TARBP2: variants seen among roughly 807,000 people sequenced by gnomAD.
TARBP2 encodes TARBP2 subunit of RISC loading complex.
In TARBP2, 23 loss-of-function variants were observed where a neutral mutation model predicts 40.4. That is an observed-to-expected ratio of 0.57 (90% CI 0.41 to 0.81). TARBP2 has a LOEUF of 0.81. Ranked by LOEUF, TARBP2 falls within the 30% of genes least tolerant of loss-of-function variation. TARBP2 has a pLI of 0.00. For missense variants in TARBP2, 358 were observed against 473.7 expected, an observed-to-expected ratio of 0.76 and a Z score of 2.27; for synonymous variants, 183 against 190.5, an observed-to-expected ratio of 0.96 and a Z score of 0.32.
chr12:53,503,720 T>C lies in TARBP2; in HGVS notation c.334T>C (p.Ser112Pro). ...EPALEDSSSF[S>P]PLDSSLPEDI... ...CCCCTTCCCCTCGGGAAGTTCTTTT[T>C]CTCCCCTAGACTCTTCACTGCCTGA... The change falls in exon 4 of 9, where the codon TCT (serine) becomes CCT (proline). Residue 112 changes from serine (S) to proline (P), a missense_variant. Ser to Pro is a moderately conservative substitution (Grantham distance 74). Around this residue, in one of 3 missense-constraint regions of TARBP2, gnomAD observed 317 missense variants for 422.9 expected, o/e 0.75. Transcript: ENST00000266987. 6.2e-7 allele frequency: 1 copy of C among 1,613,438 alleles called. No individual in the cohort carries two copies. The highest frequency in any genetic ancestry group is 2.2e-5 in the East Asian group (1 of 44,864).
Position 53,505,088 on chromosome 12 carries a change from T to C in TARBP2, c.614-47T>C. 6.4e-7 allele frequency: 1 copy of C among 1,561,374 alleles called. No homozygotes were observed. Among genetic ancestry groups the C allele is most frequent in the African/African-American group, 1.3e-5 (1 of 74,104 alleles). ...CCAAGTATGACCTGGGTGGAAGCAC[T>C]GGGTCTGTGGGGAATCATAACCCAG... On this transcript the variant is annotated intron_variant, in intron 6 of 8. Coordinates refer to ENST00000266987, the MANE Select transcript of TARBP2 (RefSeq NM_134323.2). The surrounding 1 kb of genome is among the most constrained non-coding windows in gnomAD (Gnocchi z 4.5).
intron 4 of TARBP2, 86 bp downstream of exon 4, chr12:53,503,894 G>A (rs1943838145): frequency 2.0e-6 from 2 of 990,252 alleles, no homozygotes; most frequent in East Asian, 2.4e-5. Flanking sequence ...AAGCTGGTCA[G>A]GCATGAGGAA....
intron 4 of TARBP2, chr12:53,504,097 C>T: frequency 1.6e-5 from 9 of 569,970 alleles, no homozygotes; most frequent in South Asian, 1.4e-4. Flanking sequence ...GTTTGAGGCC[C>T]ATCAGGCACT....
Position 53,502,133 on chromosome 12 carries a change from C to G in TARBP2, c.172C>G (p.His58Asp). ...YDLLKAEGQA[H>D]QPNFTFRVTV... is the part of the protein sequence containing the mutation. Reference sequence around the variant, plus strand: ...CCTTCTCAAAGCCGAGGGCCAAGCCCACCAGCCTAATTTCACCTTCCGGGT... The same window carrying G: ...CCTTCTCAAAGCCGAGGGCCAAGCCGACCAGCCTAATTTCACCTTCCGGGT... The change falls in exon 2 of 9, where the codon CAC becomes GAC. Residue 58 changes from histidine to aspartate, a missense_variant. Physicochemically the swap from His to Asp is moderately conservative, Grantham distance 81 (BLOSUM62 -1). Around this residue, in one of 3 missense-constraint regions of TARBP2, gnomAD observed 317 missense variants for 422.9 expected, o/e 0.75. Transcript: ENST00000266987. 1.2e-6 allele frequency: 2 copies of G among 1,614,232 alleles called. No homozygotes were observed. The highest frequency in any genetic ancestry group is 2.7e-5 in the African/African-American group (2 of 75,058).
In TARBP2 at chr12:53,501,302, C is replaced by A; in HGVS notation, c.-107C>A. On this transcript the variant is annotated 5_prime_UTR_variant, in exon 1 of 9. Transcript: ENST00000266987. ...TATCCCAGCGTGCCCCGCGGCGGGC[C>A]CTACCGGCCGCGACTCCGGGCTTGG... 1 of 1,309,834 alleles carries A rather than the reference C, an allele frequency of 7.6e-7. No individual in the cohort carries two copies. The highest frequency in any genetic ancestry group is 1.1e-6 in the Non-Finnish European group (1 of 945,570). 81.1% of individuals were successfully genotyped at this position (1,309,834 alleles called of 1,614,324 possible). A position where few individuals can be genotyped will look rare whatever the true frequency, so the allele number is the denominator to read the frequency against.
chr12:53,501,166 T>C, upstream of TARBP2: 1 of 560,994 alleles, frequency 1.8e-6, no homozygotes, highest in South Asian at 2.2e-5. Flanking sequence ...GGCCCGCTCC[T>C]CCCAGAAGGC....
In TARBP2 at chr12:53,501,628, G is replaced by A. The variant is rs531501207; in HGVS notation, c.53+167G>A. ...ACCGGGGCAGTGGCTGCTGCCTCCA[G>A]CTCTAAATAGTTTGGGGTTGGCCCG... is the stretch of plus-strand genomic sequence containing the variant. On this transcript the variant is annotated intron_variant, in intron 1 of 8. Transcript: ENST00000266987. 2.5e-4 allele frequency: 371 copies of A among 1,458,616 alleles called. 1 individual carries two copies. In the East Asian group the frequency reaches 5.1e-3, roughly 20 times the overall value. The allele number at this position is 1,458,616 out of a possible 1,614,324, so 90.4% of individuals were successfully genotyped here. A position where few individuals can be genotyped will look rare whatever the true frequency, so the allele number is the denominator to read the frequency against.
At position 53,505,534 on chromosome 12, in the gene TARBP2, G is replaced by A; in HGVS notation, c.742-115G>A. 2.5e-6 allele frequency: 3 copies of A among 1,207,088 alleles called. No homozygotes were observed. The highest frequency in any genetic ancestry group is 3.6e-6 in the Non-Finnish European group (3 of 840,552). The allele number at this position is 1,207,088 out of a possible 1,614,324, so 74.8% of individuals were successfully genotyped here. A position where few individuals can be genotyped will look rare whatever the true frequency, so the allele number is the denominator to read the frequency against. ...GGGCCACCCAGGGATTGACTGGGGG[G>A]AGGCAAGCTGGAGGAAGCATTCTTT... On this transcript the variant is annotated intron_variant, in intron 7 of 8. Transcript: ENST00000266987. This position sits in a 1 kb window ranked among gnomAD's most constrained non-coding sequence, Gnocchi z 4.5.
Position 53,501,396 on chromosome 12 carries a change from G to A in TARBP2, c.-13G>A, listed in dbSNP as rs1283923450. ...CTGCAGTCACGGTGGCGCCCGCGGG[G>A]ACGGAGGAGGGAATGAGTGAAGAGG... On this transcript the variant is annotated 5_prime_UTR_variant, in exon 1 of 9. Coordinates refer to ENST00000266987, the MANE Select transcript of TARBP2 (RefSeq NM_134323.2). 1.3e-6 allele frequency: 2 copies of A among 1,560,322 alleles called. No individual in the cohort carries two copies. Among genetic ancestry groups the A allele is most frequent in the African/African-American group, 2.7e-5 (2 of 73,648 alleles).
chr12:53,501,732 C>T, intron 1 of TARBP2: 5 of 1,426,312 alleles, frequency 3.5e-6, no homozygotes, highest in Non-Finnish European at 3.7e-6. Context: ...TCCTGGCTTG[C>T]ACTGTGTCAG....
At position 53,505,721 on chromosome 12, in the gene TARBP2, G is replaced by T. The variant is rs1196590779; in HGVS notation, c.814G>T (p.Val272Leu). The change falls in exon 8 of 9, where the codon GTA (valine) becomes TTA (leucine). Residue 272 changes from valine (V) to leucine (L), a missense_variant. Transcript: ENST00000266987. This position sits in a 1 kb window ranked among gnomAD's most constrained non-coding sequence, Gnocchi z 4.5. ...CACCTGGGATTCTCTACGAAATTCA[G>T]TAGGAGAGAAGATCCTGTCCCTCCG... ...GCTWDSLRNS[V>L]GEKILSLRSC... is the part of the protein sequence containing the mutation. The T allele has an allele frequency of 1.2e-6, 2 of 1,614,136 alleles. No individual in the cohort carries two copies. Among genetic ancestry groups the T allele is most frequent in the East Asian group, 4.5e-5 (2 of 44,878 alleles).
intron 2 of TARBP2, chr12:53,502,588 TC>T (rs1555213733): frequency 2.4e-5 from 4 of 166,220 alleles, no homozygotes; most frequent in South Asian, 1.5e-4. Context: ...CCCCGACTCC[TC>T]CCCCCGCCCG....
chr12:53,504,532 A>C, intron 5 of TARBP2, 63 bp downstream of exon 5: 2 of 1,601,562 alleles, frequency 1.2e-6, no homozygotes, highest in Non-Finnish European at 1.7e-6. Context: ...CCATGAGGGA[A>C]GGCTATGTGT....
At position 53,505,920 on chromosome 12, in the gene TARBP2, A is replaced by G; in HGVS notation, c.943+70A>G. Reference sequence around the variant, plus strand: ...CCGGAGCAAGTAGAAGGGGGTGATGATAACGTGAACGCACCCCTCCCCAGG... The same window carrying G: ...CCGGAGCAAGTAGAAGGGGGTGATGGTAACGTGAACGCACCCCTCCCCAGG... On this transcript the variant is annotated intron_variant, in intron 8 of 8. Transcript: ENST00000266987. This position sits in a 1 kb window ranked among gnomAD's most constrained non-coding sequence, Gnocchi z 4.5. The G allele has an allele frequency of 1.2e-6, 2 of 1,604,664 alleles. No individual in the cohort carries two copies. The highest frequency in any genetic ancestry group is 8.5e-7 in the Non-Finnish European group (1 of 1,172,670).
At chr12:53,503,870 C>A in intron 4 of TARBP2, 62 bp downstream of exon 4, 1 of 1,314,334 alleles carries the variant, frequency 7.6e-7, no homozygotes, top group Non-Finnish European at 1.1e-6. Flanking sequence ...TTTGGTCCCT[C>A]AGTCCTTGGA....
At position 53,504,654 on chromosome 12, in the gene TARBP2, C is replaced by T. The variant is rs1943885932; in HGVS notation, c.496-44C>T. On this transcript the variant is annotated intron_variant, in intron 5 of 8. Coordinates refer to ENST00000266987, the MANE Select transcript of TARBP2 (RefSeq NM_134323.2). ...TGGGGACCAGCGTGGGTGTGAGAAG[C>T]CTTTTTTCACTCAGCCTCATGCACC... The T allele has an allele frequency of 2.5e-6, 4 of 1,613,998 alleles. No homozygotes were observed. In the East Asian group the frequency reaches 8.9e-5, roughly 36 times the overall value.
chr12:53,501,013 C>T, upstream of TARBP2: 1 of 232,762 alleles, frequency 4.3e-6, no homozygotes, highest in Non-Finnish European at 8.7e-6. Flanking sequence ...TGAGTCCTTA[C>T]CGCCTCCCTA....
rs1943933910 is a variant in TARBP2 at position 53,505,497 on chromosome 12, G to A, written c.742-152G>A. The A allele has an allele frequency of 1.9e-6, 2 of 1,052,942 alleles. No homozygotes were observed. Among genetic ancestry groups the A allele is most frequent in the East Asian group, 2.4e-5 (1 of 41,910 alleles). 65.2% of individuals were successfully genotyped at this position (1,052,942 alleles called of 1,614,324 possible). On this transcript the variant is annotated intron_variant, in intron 7 of 8. Coordinates refer to ENST00000266987, the MANE Select transcript of TARBP2 (RefSeq NM_134323.2). This position sits in a 1 kb window ranked among gnomAD's most constrained non-coding sequence, Gnocchi z 4.5. ...TCCCTGGCCATCTGGCCCAGGGCCT[G>A]GTAGTTAGAAGGGGCCACCCAGGGA...
chr12:53,501,214 T>G, upstream of TARBP2: 1 of 614,474 alleles, frequency 1.6e-6, no homozygotes, highest in Non-Finnish European at 2.8e-6. Context: ...ACGCAGAGGG[T>G]TGTGGGGCGG....
Sources: gnomAD v4.1 joint callset for allele counts on GRCh38, gnomAD v4.1.1 for gene constraint, gnomAD v4.1.1 regional missense constraint, Gnocchi (gnomAD v3.1) non-coding constraint, MANE v1.5 for transcripts, NCBI Gene and HGNC (gene_info 2026-07-23, HGNC 2026-07-21) for gene names.